The following ABCC2 variants were observed in gnomAD, a reference collection of about 807,000 sequenced individuals.
ABCC2 encodes ATP binding cassette subfamily C member 2, also known as ATP-binding cassette sub-family C member 2.
ABCC2 carries 157 observed loss-of-function variants against 173.4 expected under a neutral mutation model. The ratio of observed to expected loss-of-function variants is 0.91; its 90% CI spans 0.80 to 1.03. The LOEUF (loss-of-function observed/expected upper bound fraction) is 1.03, where lower values mean the gene tolerates loss of function less well. ABCC2 is among the 50% of genes least tolerant of loss of function. The pLI is 0.00. For synonymous variants in ABCC2, 657 were observed against 693.5 expected (o/e 0.95, Z 0.83); for missense variants, 1,822 against 1,852.3 (o/e 0.98, Z 0.30).
At chr10:99,848,847 C>A (rs920270651) in intron 30 of ABCC2, among the ~76,000 whole-genome samples, 3 of 152,198 alleles carry the variant, frequency 2.0e-5, no homozygotes, top group African/African-American at 7.2e-5. Flanking sequence ...TACTTTCCCT[C>A]CACAACAGAT....
At chr10:99,817,216 C>T (rs1357498864) in intron 16 of ABCC2, 92 bp from the exon 17 acceptor site, 15 of 1,149,994 alleles carry the variant, frequency 1.3e-5, no homozygotes, top group African/African-American at 3.1e-5. Flanking sequence ...ATTTAAGCTC[C>T]ATTTGTTTCT....
At chr10:99,810,621 T>C (rs181322460) in intron 14 of ABCC2, among the ~76,000 whole-genome samples, 1 of 152,260 alleles carries the variant, frequency 6.6e-6, no homozygotes, top group Non-Finnish European at 1.5e-5. Flanking sequence ...GATTTATATA[T>C]GGAGGTGGAA....
chr10:99,805,174 G>T (rs1201870272), intron 10 of ABCC2, among the ~76,000 whole-genome samples: 1 of 152,122 alleles, frequency 6.6e-6, no homozygotes, highest in Non-Finnish European at 1.5e-5. Flanking sequence ...AACAAGCTTG[G>T]AACAAGCAAG....
At chr10:99,795,008 C>T (rs184166067) in intron 6 of ABCC2, among the ~76,000 whole-genome samples, 1 of 152,026 alleles carries the variant, frequency 6.6e-6, no homozygotes, top group East Asian at 1.9e-4. Flanking sequence ...CTAGGGGTCC[C>T]ACAGGAGAAA....
chr10:99,814,292 CGTATGTATACACACAT>C (rs2038304174), intron 16 of ABCC2, among the ~76,000 whole-genome samples: 1 of 69,154 alleles, frequency 1.4e-5, no homozygotes, highest in East Asian at 6.1e-4. Flanking sequence ...TATACACACA[CGTATGTATACACACAT>C]GTATATACAC....
intron 2 of ABCC2, among the ~76,000 whole-genome samples, chr10:99,786,903 T>G (rs1486891036): frequency 6.6e-6 from 1 of 151,734 alleles, no homozygotes. Flanking sequence ...CTCAGGAGAC[T>G]GAGGCAGAGA....
At chr10:99,825,791 G>C (rs1476898019) in intron 19 of ABCC2, among the ~76,000 whole-genome samples, 1 of 152,222 alleles carries the variant, frequency 6.6e-6, no homozygotes, top group Non-Finnish European at 1.5e-5. Flanking sequence ...TGGAAGCAGA[G>C]AGACTGCTTG....
intron 16 of ABCC2, among the ~76,000 whole-genome samples, chr10:99,814,722 CAT>C (rs769031646): frequency 5.6e-4 from 79 of 141,736 alleles, no homozygotes; most frequent in African/African-American, 1.4e-3. Flanking sequence ...TGTATATACA[CAT>C]ATGTGTGTGT....
chr10:99,792,957 C>CA, intron 3 of ABCC2, among the ~76,000 whole-genome samples: 1 of 152,218 alleles, frequency 6.6e-6, no homozygotes, highest in East Asian at 1.9e-4. Context: ...AGCTGGGCCT[C>CA]AGTAGCAGTG....
In ABCC2 at chr10:99,799,279, C is replaced by G. The variant is rs1220814117; in HGVS notation, c.940C>G (p.Leu314Val). Reference protein sequence around the residue: ...DVPKSWLMKALFKTFYMVLLK... With the variant: ...DVPKSWLMKAVFKTFYMVLLK... ...TCCAAAATCCTGGTTGATGAAGGCT[C>G]TGTTCAAAACTTTCTACATGGTGCT... is the stretch of plus-strand genomic sequence containing the variant. The change falls in exon 8 of 32, where the codon CTG becomes GTG. Residue 314 changes from leucine to valine, a missense_variant. Physicochemically the swap from Leu to Val is conservative, Grantham distance 32. Transcript: ENST00000647814. The G allele has an allele frequency of 2.5e-6, 4 of 1,614,046 alleles. No individual in the cohort carries two copies. The African/African-American group carries it at 5.3e-5, about 22-fold the overall frequency.
At position 99,850,807 on chromosome 10, in the gene ABCC2, G is replaced by A; in HGVS notation, c.4508+11G>A. ...CATGGACAGTGACAAGTGAGTGTAG[G>A]GGGACAGGGCTTGACACGGATGGCT... is the stretch of plus-strand genomic sequence containing the variant. On this transcript the variant is annotated intron_variant, in intron 31 of 31. Transcript: ENST00000647814. 2 of 1,614,136 alleles carry A rather than the reference G, an allele frequency of 1.2e-6. No homozygotes were observed. The highest frequency in any genetic ancestry group is 2.2e-5 in the South Asian group (2 of 91,078).
intron 19 of ABCC2, among the ~76,000 whole-genome samples, chr10:99,822,751 C>A (rs2038559353): frequency 6.6e-6 from 1 of 152,170 alleles, no homozygotes; most frequent in Non-Finnish European, 1.5e-5. Context: ...GAGTGGTACA[C>A]TCCTTACTGT....
intron 25 of ABCC2, among the ~76,000 whole-genome samples, chr10:99,841,743 T>G (rs1014700441): frequency 6.6e-6 from 1 of 152,218 alleles, no homozygotes; most frequent in African/African-American, 2.4e-5. Flanking sequence ...TTCCCTTAGT[T>G]CAGCAAAGAC....
At chr10:99,831,948 G>A (rs752912481) in intron 22 of ABCC2, 29 bp from the exon 23 acceptor site, 2 of 1,614,148 alleles carry the variant, frequency 1.2e-6, no homozygotes, top group South Asian at 1.1e-5. Flanking sequence ...TCCTGTGCAT[G>A]GTGCTGACAA....
chr10:99,800,751 G>A (rs2038003502), intron 9 of ABCC2, among the ~76,000 whole-genome samples, 188 bp downstream of exon 9: 1 of 152,180 alleles, frequency 6.6e-6, no homozygotes, highest in South Asian at 2.1e-4. Context: ...CAGACAATGG[G>A]TGGAGAGGCC....
chr10:99,801,775 G>A (rs1460025811), intron 9 of ABCC2, among the ~76,000 whole-genome samples: 2 of 151,008 alleles, frequency 1.3e-5, no homozygotes, highest in East Asian at 3.9e-4. Context: ...TTCCATCATA[G>A]TAACTTCTCT....
chr10:99,790,154 G>A (rs4148389), intron 2 of ABCC2, among the ~76,000 whole-genome samples: 88,115 of 152,034 alleles, frequency 0.58, 25,818 homozygotes, highest in East Asian at 0.77. Context: ...TGTGAACTCA[G>A]AATTTTTATA....
chr10:99,804,988 A>G (rs1408449006), intron 10 of ABCC2, among the ~76,000 whole-genome samples: 2 of 152,092 alleles, frequency 1.3e-5, no homozygotes, highest in East Asian at 3.9e-4. Context: ...GGGTGATGAG[A>G]TAGTGAGTGA....
At chr10:99,823,372 T>C (rs544221824) in intron 19 of ABCC2, among the ~76,000 whole-genome samples, 12 of 152,202 alleles carry the variant, frequency 7.9e-5, no homozygotes, top group Non-Finnish European at 1.3e-4. Flanking sequence ...ATATGAGTAA[T>C]ATAAAATGGG....
Sources: allele counts gnomAD v4.1 joint callset (sites outside exome capture counted in the v4.1 genomes callset), GRCh38; gene constraint gnomAD v4.1.1; transcripts MANE v1.5; gene names NCBI Gene and HGNC (gene_info 2026-07-23, HGNC 2026-07-21).